The following NBEA variants were observed in gnomAD, a reference collection of about 807,000 sequenced individuals.
NBEA encodes neurobeachin.
NBEA carries 44 observed loss-of-function variants against 343.4 expected under a neutral mutation model. That is an observed-to-expected ratio of 0.13 (90% CI 0.10 to 0.16). The LOEUF (loss-of-function observed/expected upper bound fraction) is 0.16. Ranked by LOEUF, NBEA falls within the 10% of genes least tolerant of loss-of-function variation. The pLI is 1.00. For missense variants in NBEA, 2,555 were observed against 3,631.3 expected (o/e 0.70, Z 7.62); for synonymous variants, 1,175 against 1,238.7 (o/e 0.95, Z 1.08).
chr13:35,016,210 AT>A (rs1206163263), intron 1 of NBEA, among the ~76,000 whole-genome samples: 1 of 151,938 alleles, frequency 6.6e-6, no homozygotes, highest in East Asian at 1.9e-4. Flanking sequence ...ATATTCTATA[AT>A]TTTTTTGCCA....
At chr13:35,256,015 C>A (rs1360304273) in intron 34 of NBEA, among the ~76,000 whole-genome samples, 1 of 151,740 alleles carries the variant, frequency 6.6e-6, no homozygotes, top group South Asian at 2.1e-4. Flanking sequence ...GGAAAGGATA[C>A]CTGGAGTGAG....
chr13:34,943,791 A>G (rs2059105883), intron 1 of NBEA, among the ~76,000 whole-genome samples: 2 of 152,298 alleles, frequency 1.3e-5, no homozygotes, highest in South Asian at 4.1e-4. Context: ...GAGGACACCA[A>G]ATCACACAGG....
intron 40 of NBEA, among the ~76,000 whole-genome samples, chr13:35,469,013 C>T (rs1050172157): frequency 1.4e-5 from 2 of 146,902 alleles, no homozygotes; most frequent in South Asian, 2.2e-4. Flanking sequence ...GCAGGAGAAT[C>T]GCTTGAGCTC....
intron 34 of NBEA, among the ~76,000 whole-genome samples, chr13:35,265,294 A>C (rs914982502): frequency 6.6e-6 from 1 of 151,848 alleles, no homozygotes; most frequent in African/African-American, 2.4e-5. Flanking sequence ...TTCAAACTAC[A>C]CAAAGTGATC....
chr13:35,229,023 A>G (rs1242930538), intron 33 of NBEA, among the ~76,000 whole-genome samples: 1 of 151,968 alleles, frequency 6.6e-6, no homozygotes. Flanking sequence ...CTAAATGAAT[A>G]GTTTTTGTTT....
At chr13:35,449,017 A>C (rs1417973622) in intron 39 of NBEA, among the ~76,000 whole-genome samples, 2 of 152,222 alleles carry the variant, frequency 1.3e-5, no homozygotes, top group Non-Finnish European at 2.9e-5. Context: ...CATACCCTGC[A>C]GAGGGAATAA....
Position 35,015,126 on chromosome 13 carries a change from T to TG in NBEA, c.295-25806dup, listed in dbSNP as rs538958076. On this transcript the variant is annotated intron_variant, in intron 1 of 58. Coordinates refer to ENST00000379939, the MANE Select transcript of NBEA (RefSeq NM_001385012.1). ...CTTCTCAACAAAAAGCAACGAGATC[T>TG]GAAAAAAAAAAAACAAACAAAAAAA... 3.3e-3 allele frequency among the ~76,000 whole-genome samples: 129 copies of TG among 38,766 alleles called. 1 individual carries two copies. The highest frequency in any genetic ancestry group is 0.014 in the African/African-American group (124 of 9,116). The allele number at this position is 38,766 out of a possible 152,430, so 25.4% of individuals were successfully genotyped here.
At chr13:35,058,922 T>C in intron 8 of NBEA, 59 bp downstream of exon 8, 2 of 1,348,744 alleles carry the variant, frequency 1.5e-6, no homozygotes, top group Non-Finnish European at 2.0e-6. Flanking sequence ...AAATGTGGTG[T>C]AATATCATTT....
chr13:35,562,599 A>C (rs542062449), intron 44 of NBEA, among the ~76,000 whole-genome samples: 1 of 152,190 alleles, frequency 6.6e-6, no homozygotes, highest in African/African-American at 2.4e-5. Flanking sequence ...TGTGATGAAC[A>C]AGCCCTCCCT....
chr13:35,426,400 C>A (rs541440133), intron 38 of NBEA, among the ~76,000 whole-genome samples: 3 of 152,240 alleles, frequency 2.0e-5, no homozygotes, highest in Admixed American at 6.5e-5. Context: ...TTCTCCTTCA[C>A]TTATGAAGCT....
intron 10 of NBEA, among the ~76,000 whole-genome samples, chr13:35,071,873 A>T (rs776821148): frequency 6.6e-5 from 10 of 152,082 alleles, no homozygotes; most frequent in Non-Finnish European, 1.2e-4. Context: ...CTAAATATGG[A>T]TATGAGATTT....
chr13:35,077,920 C>T (rs1043504007), intron 10 of NBEA, among the ~76,000 whole-genome samples: 14 of 152,120 alleles, frequency 9.2e-5, no homozygotes, highest in Admixed American at 8.5e-4. Context: ...ATAAAAGGTG[C>T]TACAAATAGG....
intron 41 of NBEA, chr13:35,475,073 A>T: frequency 3.1e-6 from 5 of 1,611,068 alleles, no homozygotes; most frequent in Non-Finnish European, 4.2e-6. Context: ...AGTTTTTCCA[A>T]ACTTTTCGGG....
intron 1 of NBEA, among the ~76,000 whole-genome samples, chr13:34,952,445 T>C (rs1328271747): frequency 1.3e-5 from 2 of 152,246 alleles, no homozygotes; most frequent in Non-Finnish European, 2.9e-5. Context: ...TTGAATTTTA[T>C]ACATTTTCAC....
At chr13:34,964,552 A>G (rs1344948261) in intron 1 of NBEA, among the ~76,000 whole-genome samples, 1 of 151,692 alleles carries the variant, frequency 6.6e-6, no homozygotes, top group Non-Finnish European at 1.5e-5. Flanking sequence ...TATTTTATTG[A>G]TTACTTACTA....
chr13:35,657,119 T>G (rs2084847799), intron 55 of NBEA, among the ~76,000 whole-genome samples: 2 of 152,178 alleles, frequency 1.3e-5, no homozygotes, highest in Non-Finnish European at 2.9e-5. Flanking sequence ...CCCATCATAG[T>G]ACAGGAGAGA....
chr13:35,403,845 C>T (rs991348651), intron 38 of NBEA, among the ~76,000 whole-genome samples: 3 of 152,080 alleles, frequency 2.0e-5, no homozygotes, highest in African/African-American at 7.2e-5. Context: ...AAAATTTTCG[C>T]GACCTACTCA....
chr13:35,329,365 T>C (rs879758969), intron 36 of NBEA, among the ~76,000 whole-genome samples: 6 of 151,068 alleles, frequency 4.0e-5, no homozygotes, highest in Non-Finnish European at 8.8e-5. Context: ...AAATGAAAAA[T>C]AAGTCCACAT....
At chr13:35,628,285 G>C in intron 49 of NBEA, 37 bp downstream of exon 49, 2 of 1,439,024 alleles carry the variant, frequency 1.4e-6, no homozygotes, top group Non-Finnish European at 1.9e-6. Flanking sequence ...AAAAATTTCT[G>C]TCATCTCTCA....
Sources: allele counts gnomAD v4.1 joint callset (sites outside exome capture counted in the v4.1 genomes callset), GRCh38; gene constraint gnomAD v4.1.1; transcripts MANE v1.5; gene names NCBI Gene and HGNC (gene_info 2026-07-23, HGNC 2026-07-21).